The following GRXCR1 variants were observed in gnomAD, a reference collection of about 807,000 sequenced individuals.
GRXCR1 encodes the protein glutaredoxin domain-containing cysteine-rich protein 1.
In GRXCR1, 27 loss-of-function variants were observed where a neutral mutation model predicts 27.3. That is an observed-to-expected ratio of 0.99 (90% CI 0.73 to 1.37). The LOEUF (loss-of-function observed/expected upper bound fraction) is 1.37, where lower values mean the gene tolerates loss of function less well. Ranked by LOEUF, GRXCR1 falls within the 40% of genes most tolerant of loss-of-function variation. The pLI is 0.00. For missense variants in GRXCR1, 379 were observed against 354.4 expected (o/e 1.07, Z -0.56); for synonymous variants, 122 against 131.1 (o/e 0.93, Z 0.47).
Position 42,893,651 on chromosome 4 carries a change from G to GT in GRXCR1, c.384+2dup. 6.2e-7 allele frequency: 1 copy of GT among 1,612,208 alleles called. No individual in the cohort carries two copies. Among genetic ancestry groups the GT allele is most frequent in the Non-Finnish European group, 8.5e-7 (1 of 1,179,282 alleles). ...TAACAATTTGACCAAAGTATTACAGGTAAGTCATTGCTGTTTCCTTCTCCT... is the reference window on the plus strand; with the variant it reads ...TAACAATTTGACCAAAGTATTACAGGTTAAGTCATTGCTGTTTCCTTCTCCT... On this transcript the variant is annotated splice_donor_variant, in intron 1 of 3. Coordinates refer to ENST00000399770, the MANE Select transcript of GRXCR1 (RefSeq NM_001080476.3). LOFTEE classifies it high-confidence loss of function.
At chr4:42,967,854 T>G (rs1326038091) in intron 2 of GRXCR1, among the ~76,000 whole-genome samples, 1 of 152,162 alleles carries the variant, frequency 6.6e-6, no homozygotes, top group Non-Finnish European at 1.5e-5. Flanking sequence ...GCTAACTGTT[T>G]CCAGTACTGA....
At chr4:42,956,813 C>A (rs531405187) in intron 1 of GRXCR1, among the ~76,000 whole-genome samples, 6 of 152,164 alleles carry the variant, frequency 3.9e-5, no homozygotes, top group African/African-American at 1.2e-4. Context: ...TCTTGCACAA[C>A]TACCCCCACT....
chr4:42,944,103 A>G (rs1747689465), intron 1 of GRXCR1, among the ~76,000 whole-genome samples: 1 of 152,096 alleles, frequency 6.6e-6, no homozygotes. Context: ...GATAAGAGAG[A>G]ACATTTATAA....
intron 2 of GRXCR1, among the ~76,000 whole-genome samples, chr4:43,001,001 A>C (rs1712338059): frequency 6.6e-6 from 1 of 151,726 alleles, no homozygotes; most frequent in South Asian, 2.1e-4. Context: ...ATCTCGGCTC[A>C]CTGCAACCTC....
intron 1 of GRXCR1, among the ~76,000 whole-genome samples, chr4:42,918,949 T>A (rs1389655331): frequency 6.6e-6 from 1 of 151,858 alleles, no homozygotes; most frequent in Non-Finnish European, 1.5e-5. Context: ...AGAGAGATGG[T>A]CAAAACACAA....
At chr4:42,898,573 C>T (rs1161365193) in intron 1 of GRXCR1, among the ~76,000 whole-genome samples, 1 of 151,974 alleles carries the variant, frequency 6.6e-6, no homozygotes, top group Non-Finnish European at 1.5e-5. Flanking sequence ...ACTCCTTAGT[C>T]CCAGTGGTTC....
intron 1 of GRXCR1, among the ~76,000 whole-genome samples, chr4:42,902,253 T>A (rs1033386788): frequency 6.6e-6 from 1 of 152,136 alleles, no homozygotes. Flanking sequence ...TAGTAAATAT[T>A]ATACATCAAT....
chr4:42,925,619 C>T (rs1747141283), intron 1 of GRXCR1, among the ~76,000 whole-genome samples: 1 of 151,912 alleles, frequency 6.6e-6, no homozygotes, highest in Admixed American at 6.6e-5. Context: ...AAAAAATATG[C>T]TAAATTCATG....
intron 1 of GRXCR1, among the ~76,000 whole-genome samples, chr4:42,932,224 G>A (rs531055685): frequency 1.3e-4 from 19 of 151,696 alleles, no homozygotes; most frequent in Non-Finnish European, 2.1e-4. Context: ...CCAACATCTC[G>A]CTGCCCTCCT....
chr4:42,998,604 A>G (rs1470897668), intron 2 of GRXCR1, among the ~76,000 whole-genome samples: 1 of 152,248 alleles, frequency 6.6e-6, no homozygotes, highest in Non-Finnish European at 1.5e-5. Context: ...CATAAAAAAT[A>G]AAGAAAACAC....
chr4:42,980,710 G>T (rs1432286919), intron 2 of GRXCR1, among the ~76,000 whole-genome samples: 1 of 151,968 alleles, frequency 6.6e-6, no homozygotes, highest in Admixed American at 6.6e-5. Flanking sequence ...TGGATAATCT[G>T]TCTATTGTTG....
intron 1 of GRXCR1, among the ~76,000 whole-genome samples, chr4:42,911,440 T>C (rs1307679642): frequency 6.6e-6 from 1 of 151,986 alleles, no homozygotes; most frequent in Non-Finnish European, 1.5e-5. Flanking sequence ...TATCAAACGA[T>C]GAATAAGAAT....
At position 42,893,415 on chromosome 4, in the gene GRXCR1, G is replaced by A; in HGVS notation, c.149G>A (p.Cys50Tyr). The A allele has an allele frequency of 6.2e-7, 1 of 1,613,886 alleles. No individual in the cohort carries two copies. The highest frequency in any genetic ancestry group is 1.1e-5 in the South Asian group (1 of 91,078). The change falls in exon 1 of 4, where the codon TGT becomes TAT. Residue 50 changes from cysteine to tyrosine, a missense_variant. Cys to Tyr is a radical substitution (Grantham distance 194). Coordinates refer to ENST00000399770, the MANE Select transcript of GRXCR1 (RefSeq NM_001080476.3). ...GSLDSECASI[C>Y]GIDGLGDSDG... ...CTGGATTCTGAATGTGCCAGTATCT[G>A]TGGGATAGATGGACTAGGTGATTCC...
intron 1 of GRXCR1, among the ~76,000 whole-genome samples, chr4:42,920,184 C>T (rs1319903571): frequency 2.0e-5 from 3 of 151,982 alleles, no homozygotes; most frequent in Non-Finnish European, 4.4e-5. Context: ...AACTGGCTGC[C>T]CTACTTGGAG....
intron 1 of GRXCR1, among the ~76,000 whole-genome samples, chr4:42,936,552 C>T (rs148367581): frequency 2.2e-4 from 34 of 151,974 alleles, no homozygotes; most frequent in African/African-American, 5.5e-4. Flanking sequence ...AAGTGTGGTA[C>T]ATTTGTCACA....
At chr4:42,931,526 C>T (rs78335030) in intron 1 of GRXCR1, among the ~76,000 whole-genome samples, 1 of 151,836 alleles carries the variant, frequency 6.6e-6, no homozygotes, top group Non-Finnish European at 1.5e-5. Context: ...CCAGATTCTT[C>T]CTCTCATTAG....
intron 2 of GRXCR1, among the ~76,000 whole-genome samples, chr4:43,015,834 A>T (rs1712914954): frequency 6.6e-6 from 1 of 151,712 alleles, no homozygotes; most frequent in Non-Finnish European, 1.5e-5. Context: ...TATATACATT[A>T]AAATTTATAT....
intron 1 of GRXCR1, among the ~76,000 whole-genome samples, chr4:42,901,663 G>C (rs758032437): frequency 6.6e-6 from 1 of 152,170 alleles, no homozygotes; most frequent in Admixed American, 6.6e-5. Context: ...ATTAGGACAT[G>C]GGTAGCTATT....
chr4:42,947,750 T>G (rs552176080), intron 1 of GRXCR1, among the ~76,000 whole-genome samples: 45 of 152,326 alleles, frequency 3.0e-4, no homozygotes, highest in African/African-American at 1.1e-3. Flanking sequence ...TTTTTCTTCC[T>G]TCTGATAATG....
Sources: allele counts gnomAD v4.1 joint callset (sites outside exome capture counted in the v4.1 genomes callset), GRCh38; gene constraint gnomAD v4.1.1; transcripts MANE v1.5; gene names NCBI Gene and HGNC (gene_info 2026-07-23, HGNC 2026-07-21).